The following STK26 variants were observed in gnomAD, a reference collection of about 807,000 sequenced individuals.
STK26 encodes serine/threonine kinase 26, also known as serine/threonine-protein kinase 26.
Under a neutral mutation model 34.7 loss-of-function variants are expected in STK26, and 14 were observed. That is an observed-to-expected ratio of 0.40 (90% confidence interval 0.27 to 0.63). The LOEUF (loss-of-function observed/expected upper bound fraction) is 0.63. STK26 is among the 30% of genes least tolerant of loss of function. The probability of loss-of-function intolerance (pLI) is 0.38; values close to 1 mark genes in which losing one functional copy is unlikely to be tolerated. For missense variants in STK26, 226 were observed against 309.1 expected (o/e 0.73, Z 2.02); for synonymous variants, 100 against 109.8 (o/e 0.91, Z 0.56).
intron 2 of STK26, among the ~76,000 whole-genome samples, chrX:132,051,125 G>A (rs745400517): frequency 2.1e-4 from 24 of 111,907 alleles, no homozygotes; most frequent in African/African-American, 6.5e-4. Flanking sequence ...ATCCAAGAAG[G>A]CTTCTTCTAT....
intron 3 of STK26, among the ~76,000 whole-genome samples, chrX:132,058,445 T>G (rs910771367): frequency 9.0e-6 from 1 of 111,536 alleles, no homozygotes; most frequent in African/African-American, 3.3e-5. Flanking sequence ...CTATTTAAAA[T>G]GGCTATTCCA....
Position 132,023,479 on chromosome X carries a change from A to G in STK26, c.-110-29A>G, listed in dbSNP as rs993704667. 5.0e-6 allele frequency: 4 copies of G among 804,687 alleles called. No homozygotes were observed. The African/African-American group carries it at 8.1e-5, about 16-fold the overall frequency. The allele number at this position is 804,687 out of a possible 1,213,427, so 66.3% of individuals were successfully genotyped here. On this transcript the variant is annotated intron_variant, in intron 1 of 11. Coordinates refer to ENST00000394334, the MANE Select transcript of STK26 (RefSeq NM_016542.4). ...GCCCCGGGCTACGCGCCGCCAGCCC[A>G]GTAACCCCACTTTTGTGTGTCCTCC... is the stretch of plus-strand genomic sequence containing the variant.
In STK26 at chrX:132,068,399, T is replaced by G. The variant is rs780187858; in HGVS notation, c.440-13T>G. ...AGCTGAGTTTTTTTTTGCTTTTCTT[T>G]TTTTCCTCCTAGCTGCCAATGTCTT... On this transcript the variant is annotated splice_polypyrimidine_tract_variant and intron_variant, in intron 5 of 11. Coordinates refer to ENST00000394334, the MANE Select transcript of STK26 (RefSeq NM_016542.4). The G allele has an allele frequency of 8.3e-7, 1 of 1,201,962 alleles. No homozygotes were observed. The highest frequency in any genetic ancestry group is 1.1e-6 in the Non-Finnish European group (1 of 892,768).
chrX:132,029,055 G>A (rs995202335), intron 2 of STK26, among the ~76,000 whole-genome samples: 12 of 111,976 alleles, frequency 1.1e-4, no homozygotes, highest in African/African-American at 3.3e-4. Flanking sequence ...GAGAGAAGGC[G>A]GGGTTAGTTA....
chrX:132,028,700 TAAGGGTGGCTTTAAGATGTATGA>T (rs1925707582), intron 2 of STK26, among the ~76,000 whole-genome samples: 2 of 110,846 alleles, frequency 1.8e-5, no homozygotes, highest in South Asian at 7.7e-4. Flanking sequence ...GTAAGAAAAG[TAAGGGTGGCTTTAAGATGTATGA>T]AAGGATGAGA....
intron 2 of STK26, among the ~76,000 whole-genome samples, chrX:132,044,800 G>T (rs1448228433): frequency 1.5e-4 from 8 of 55,160 alleles, no homozygotes; most frequent in East Asian, 9.5e-4. Flanking sequence ...TATATATAGA[G>T]AGAGATCTAT....
intron 2 of STK26, among the ~76,000 whole-genome samples, chrX:132,029,285 C>G: frequency 8.9e-6 from 1 of 111,860 alleles, no homozygotes; most frequent in Non-Finnish European, 1.9e-5. Flanking sequence ...ATTTTTTATT[C>G]TGCTTTTCAT....
chrX:132,044,671 CTA>C lies in STK26; in HGVS notation c.43-9943_43-9942del, dbSNP rs1247702257. On this transcript the variant is annotated intron_variant, in intron 2 of 11. Coordinates refer to ENST00000394334, the MANE Select transcript of STK26 (RefSeq NM_016542.4). ...TCTCTCTCTCTCTCTCTCTCGAGAT[CTA>C]TATATATATATATATAGAGAGAGAG... Among the ~76,000 whole-genome samples, 315 of 38,448 alleles carry C rather than the reference CTA, an allele frequency of 8.2e-3. 34 individuals are homozygous for C. The highest frequency in any genetic ancestry group is 0.025 in the African/African-American group (227 of 9,135). The allele number at this position is 38,448 out of a possible 115,157, so 33.4% of individuals were successfully genotyped here.
chrX:132,057,091 C>T (rs1926886068), intron 3 of STK26, among the ~76,000 whole-genome samples: 1 of 112,167 alleles, frequency 8.9e-6, no homozygotes, highest in Non-Finnish European at 1.9e-5. Flanking sequence ...TGGTTGAGCT[C>T]AGTGAAGACG....
chrX:132,026,025 G>A (rs1002367942), intron 2 of STK26, among the ~76,000 whole-genome samples: 1 of 111,518 alleles, frequency 9.0e-6, no homozygotes, highest in Non-Finnish European at 1.9e-5. Flanking sequence ...TGAGGTAGCC[G>A]ACCAGCCTAT....
chrX:132,032,558 C>T (rs1164193711), intron 2 of STK26, among the ~76,000 whole-genome samples: 1 of 111,578 alleles, frequency 9.0e-6, no homozygotes, highest in Non-Finnish European at 1.9e-5. Flanking sequence ...TTTCCCTCTC[C>T]TTCTATTACC....
At chrX:132,063,326 G>T in intron 3 of STK26, 107 bp from the exon 4 acceptor site, 1 of 685,570 alleles carries the variant, frequency 1.5e-6, no homozygotes, top group Non-Finnish European at 2.2e-6. Context: ...AAATAAATGA[G>T]AACATGCAAA....
At chrX:132,053,846 A>G (rs1926767012) in intron 2 of STK26, among the ~76,000 whole-genome samples, 1 of 112,124 alleles carries the variant, frequency 8.9e-6, no homozygotes, top group Non-Finnish European at 1.9e-5. Flanking sequence ...TAAGATACAG[A>G]ATATTTCTGA....
At chrX:132,053,003 T>G (rs1037156688) in intron 2 of STK26, among the ~76,000 whole-genome samples, 1 of 111,937 alleles carries the variant, frequency 8.9e-6, no homozygotes, top group Non-Finnish European at 1.9e-5. Context: ...CCACTATGTA[T>G]TAGTAGTCAC....
intron 3 of STK26, among the ~76,000 whole-genome samples, chrX:132,058,278 CTG>C (rs1335601928): frequency 2.0e-5 from 2 of 102,166 alleles, no homozygotes; most frequent in Non-Finnish European, 3.9e-5. Flanking sequence ...GTGTGTGTGT[CTG>C]TGTGTGTATC....
Position 132,072,288 on chromosome X carries a change from A to G in STK26, c.953A>G (p.Asn318Ser). The G allele has an allele frequency of 1.7e-6, 2 of 1,208,912 alleles. No homozygotes were observed. Among genetic ancestry groups the G allele is most frequent in the Non-Finnish European group, 2.2e-6 (2 of 893,215 alleles). ...TTTAGGGAATCTACCAGCAGGGAAA[A>G]CAATACTCATCCTGAATGGAGCTTT... ...GSDSESTSRENNTHPEWSFTT... is the reference protein window; with the variant it reads ...GSDSESTSRESNTHPEWSFTT... The change falls in exon 9 of 12, where the codon AAC becomes AGC. Residue 318 changes from asparagine to serine, a missense_variant. Asn to Ser is a conservative substitution (Grantham distance 46). This residue lies in a region of STK26 where 126 missense variants were observed against 132.4 expected (regional missense o/e 0.95). Transcript: ENST00000394334.
intron 6 of STK26, among the ~76,000 whole-genome samples, chrX:132,069,185 A>G (rs1927316650): frequency 9.3e-6 from 1 of 107,694 alleles, no homozygotes; most frequent in Non-Finnish European, 1.9e-5. Flanking sequence ...CCTTAAGAGC[A>G]GGGATTTTTG....
intron 2 of STK26, among the ~76,000 whole-genome samples, chrX:132,046,624 C>A (rs1370006029): frequency 8.9e-6 from 1 of 111,749 alleles, no homozygotes; most frequent in African/African-American, 3.2e-5. Context: ...TAAACAGTTG[C>A]CTTAATAGTA....
chrX:132,055,362 C>T (rs1185173167), intron 3 of STK26: 3 of 811,847 alleles, frequency 3.7e-6, no homozygotes, highest in Non-Finnish European at 5.3e-6. Context: ...TATGGTACAT[C>T]TTAAGCATGT....
Sources: allele counts gnomAD v4.1 joint callset (sites outside exome capture counted in the v4.1 genomes callset), GRCh38; gene constraint gnomAD v4.1.1; regional missense constraint gnomAD v4.1.1; transcripts MANE v1.5; gene names NCBI Gene and HGNC (gene_info 2026-07-23, HGNC 2026-07-21).